The following ROCK2 variants were observed in gnomAD, a reference collection of about 807,000 sequenced individuals.
ROCK2 encodes rho-associated protein kinase 2.
A neutral mutation model predicts 195.1 loss-of-function variants in ROCK2; 61 were observed. That is an observed-to-expected ratio of 0.31 (90% CI 0.25 to 0.39). The LOEUF is 0.39. Ranked by LOEUF, ROCK2 falls within the 10% of genes least tolerant of loss-of-function variation. The pLI is 1.00. For missense variants in ROCK2, 1,109 were observed against 1,637.4 expected (o/e 0.68, Z 5.57); for synonymous variants, 504 against 545.5 (o/e 0.92, Z 1.06).
chr2:11,331,077 T>G, intron 1 of ROCK2, among the ~76,000 whole-genome samples: 1 of 149,354 alleles, frequency 6.7e-6, no homozygotes, highest in African/African-American at 2.5e-5. Flanking sequence ...GAAATAATAT[T>G]TTCTAAGTTT....
chr2:11,199,024 CT>C, intron 23 of ROCK2, among the ~76,000 whole-genome samples: 1 of 152,134 alleles, frequency 6.6e-6, no homozygotes, highest in South Asian at 2.1e-4. Flanking sequence ...CCTCAGCCTC[CT>C]TAGTAGCTGG....
At chr2:11,292,977 G>A (rs1667407065) in intron 1 of ROCK2, among the ~76,000 whole-genome samples, 1 of 152,060 alleles carries the variant, frequency 6.6e-6, no homozygotes, top group South Asian at 2.1e-4. Context: ...TGTAAGATAT[G>A]CCTGCTTCCC....
At chr2:11,250,641 C>T (rs1665798676) in intron 3 of ROCK2, among the ~76,000 whole-genome samples, 1 of 152,150 alleles carries the variant, frequency 6.6e-6, no homozygotes, top group Non-Finnish European at 1.5e-5. Context: ...AAAATGGTAG[C>T]TTCATCCTTC....
rs1307948718 is a variant in ROCK2 at position 11,287,602 on chromosome 2, C to A, written c.223+53G>T. 4 of 507,338 alleles carry A rather than the reference C, an allele frequency of 7.9e-6. No homozygotes were observed. In the East Asian group the frequency reaches 1.4e-4, roughly 18 times the overall value. 31.4% of individuals were successfully genotyped at this position (507,338 alleles called of 1,614,324 possible). Reference sequence around the variant, plus strand: ...AGGCTGATAATAACCAAACAAAAATCTCTTATCAAAAGTAGAGTTATAAGA... The same window carrying A: ...AGGCTGATAATAACCAAACAAAAATATCTTATCAAAAGTAGAGTTATAAGA... On this transcript the variant is annotated intron_variant, in intron 2 of 32. Coordinates refer to ENST00000315872, the MANE Select transcript of ROCK2 (RefSeq NM_004850.5).
intron 9 of ROCK2, 25 bp from the exon 10 acceptor site, chr2:11,219,051 A>C (rs746113616): frequency 2.3e-6 from 3 of 1,307,158 alleles, no homozygotes; most frequent in Admixed American, 2.3e-5. Context: ...GGAGAAAATA[A>C]ATTTTTTCAT....
At chr2:11,250,217 A>T (rs1231226470) in intron 3 of ROCK2, among the ~76,000 whole-genome samples, 4 of 152,226 alleles carry the variant, frequency 2.6e-5, no homozygotes, top group Non-Finnish European at 5.9e-5. Context: ...TCTGCCCGTA[A>T]GAACCTAATA....
intron 32 of ROCK2, chr2:11,184,741 C>T (rs528851456): frequency 1.0e-6 from 1 of 984,474 alleles, no homozygotes; most frequent in East Asian, 1.1e-4. Flanking sequence ...AATGACCAAT[C>T]CCAGTCTTTA....
intron 19 of ROCK2, 123 bp from the exon 20 acceptor site, chr2:11,208,033 T>A: frequency 1.7e-6 from 1 of 581,220 alleles, no homozygotes; most frequent in South Asian, 8.1e-5. Context: ...CTAATTCATT[T>A]CATACTAAAA....
Position 11,308,460 on chromosome 2 carries a change from C to G in ROCK2, c.142-20724G>C, listed in dbSNP as rs1667932551. 2.5e-6 allele frequency: 4 copies of G among 1,606,014 alleles called. No homozygotes were observed. The South Asian group carries it at 4.4e-5, about 18-fold the overall frequency. Reference sequence around the variant, plus strand: ...GGTGCTGGAGCAGGGTCTCCTGATTCTTTTCCTGCTAGAGTTCCCGGTACT... The same window carrying G: ...GGTGCTGGAGCAGGGTCTCCTGATTGTTTTCCTGCTAGAGTTCCCGGTACT... On this transcript the variant is annotated intron_variant, in intron 1 of 32. Transcript: ENST00000315872.
intron 1 of ROCK2, among the ~76,000 whole-genome samples, chr2:11,310,717 G>C (rs1206755043): frequency 6.6e-6 from 1 of 151,634 alleles, no homozygotes; most frequent in Non-Finnish European, 1.5e-5. Flanking sequence ...AAAAATAAAA[G>C]CTCAATTGAA....
At chr2:11,278,117 T>TA (rs1475230770) in intron 3 of ROCK2, among the ~76,000 whole-genome samples, 1 of 152,230 alleles carries the variant, frequency 6.6e-6, no homozygotes. Flanking sequence ...TCTATTCTTT[T>TA]AGAGATTTTT....
chr2:11,192,421 T>C lies in ROCK2; in HGVS notation c.3949+30A>G. 4 of 1,611,460 alleles carry C rather than the reference T, an allele frequency of 2.5e-6. No individual in the cohort carries two copies. Among genetic ancestry groups the C allele is most frequent in the East Asian group, 2.2e-5 (1 of 44,854 alleles). Reference sequence around the variant, plus strand: ...CTTAAAATGATCTGAACATAACCAATATCGATGGAGCAAGTAATTTATCAT... The same window carrying C: ...CTTAAAATGATCTGAACATAACCAACATCGATGGAGCAAGTAATTTATCAT... On this transcript the variant is annotated intron_variant, in intron 31 of 32. Transcript: ENST00000315872. This position sits in a 1 kb window ranked among gnomAD's most constrained non-coding sequence, Gnocchi z 5.0.
intron 18 of ROCK2, among the ~76,000 whole-genome samples, chr2:11,211,122 G>A (rs1664231130): frequency 6.6e-6 from 1 of 152,098 alleles, no homozygotes; most frequent in South Asian, 2.1e-4. Context: ...CTAGTTTATG[G>A]GAAGGTTAAC....
chr2:11,325,171 T>C (rs1241136763), intron 1 of ROCK2, among the ~76,000 whole-genome samples: 3 of 152,220 alleles, frequency 2.0e-5, no homozygotes, highest in African/African-American at 4.8e-5. Flanking sequence ...AGATTTTTTT[T>C]CCAATAAGTA....
chr2:11,216,297 T>TTA, intron 12 of ROCK2, 91 bp from the exon 13 acceptor site: 5 of 935,912 alleles, frequency 5.3e-6, no homozygotes, highest in Non-Finnish European at 8.4e-6. Context: ...AATTACTTGG[T>TTA]AGCTCTCCTT....
At chr2:11,282,599 T>C (rs1378373373) in intron 3 of ROCK2, among the ~76,000 whole-genome samples, 18 of 73,692 alleles carry the variant, frequency 2.4e-4, no homozygotes, top group African/African-American at 9.3e-4. Context: ...TAACTGAATA[T>C]CTACATGCAA....
intron 29 of ROCK2, 102 bp downstream of exon 29, chr2:11,194,153 CA>C (rs1398937282): frequency 2.0e-6 from 1 of 500,064 alleles, no homozygotes; most frequent in Non-Finnish European, 3.5e-6. Flanking sequence ...GAAAATGTAA[CA>C]ATATTACAGT....
chr2:11,319,483 GC>G lies in ROCK2; in HGVS notation c.141+24512del, dbSNP rs200331389. Among the ~76,000 whole-genome samples, 1,319 of 152,316 alleles carry G rather than the reference GC, an allele frequency of 8.7e-3. 18 individuals carry two copies. Among genetic ancestry groups the G allele is most frequent in the African/African-American group, 0.03 (1,256 of 41,570 alleles). ...GAGACTTTGCTGAAGTTGCTTATCAGCTTAAGGAGATTTTGGGCTGAGACGA... is the reference window on the plus strand; with the variant it reads ...GAGACTTTGCTGAAGTTGCTTATCAGTTAAGGAGATTTTGGGCTGAGACGA... On this transcript the variant is annotated intron_variant, in intron 1 of 32. Coordinates refer to ENST00000315872, the MANE Select transcript of ROCK2 (RefSeq NM_004850.5).
At chr2:11,246,566 A>C (rs1276157548) in intron 4 of ROCK2, among the ~76,000 whole-genome samples, 1 of 152,184 alleles carries the variant, frequency 6.6e-6, no homozygotes, top group Non-Finnish European at 1.5e-5. Context: ...CAAATGAATA[A>C]AAGTTTTTAA....
Sources: gnomAD v4.1 joint callset for allele counts (sites outside exome capture counted in the v4.1 genomes callset) on GRCh38, gnomAD v4.1.1 for gene constraint, Gnocchi (gnomAD v3.1) non-coding constraint, MANE v1.5 for transcripts, NCBI Gene and HGNC (gene_info 2026-07-23, HGNC 2026-07-21) for gene names.